The following GNG2 variants were observed in gnomAD, a reference collection of about 807,000 sequenced individuals.
GNG2 encodes G protein subunit gamma 2.
Under a neutral mutation model 5.5 loss-of-function variants are expected in GNG2, and 5 were observed. That is an observed-to-expected ratio of 0.91 (90% CI 0.48 to 1.92). The LOEUF (loss-of-function observed/expected upper bound fraction) is 1.92, where lower values mean the gene tolerates loss of function less well. Ranked by LOEUF, GNG2 falls within the 30% of genes most tolerant of loss-of-function variation. The pLI is 0.01. For synonymous variants in GNG2, 28 were observed against 32.0 expected (o/e 0.88, Z 0.42); for missense variants, 55 against 88.4 (o/e 0.62, Z 1.52).
intron 2 of GNG2, among the ~76,000 whole-genome samples, chr14:51,879,097 T>C (rs975317142): frequency 5.3e-5 from 8 of 152,254 alleles, no homozygotes; most frequent in Non-Finnish European, 1.2e-4. Flanking sequence ...GTGAACATTG[T>C]GAACTACCGT....
intron 3 of GNG2, among the ~76,000 whole-genome samples, chr14:51,952,968 G>A (rs1215353907): frequency 1.3e-5 from 2 of 152,094 alleles, no homozygotes; most frequent in African/African-American, 4.8e-5. Flanking sequence ...TGTGACCCCT[G>A]TCATCTCTTC....
At chr14:51,834,299 T>G (rs1033526201) in intron 2 of GNG2, among the ~76,000 whole-genome samples, 1 of 152,358 alleles carries the variant, frequency 6.6e-6, no homozygotes, top group African/African-American at 2.4e-5. Context: ...CATTCAGCAC[T>G]TGGCTCCCGA....
At chr14:51,874,751 G>T (rs1411681837) in intron 1 of GNG2, among the ~76,000 whole-genome samples, 1 of 151,668 alleles carries the variant, frequency 6.6e-6, no homozygotes, top group Non-Finnish European at 1.5e-5. Context: ...AAAAAAGTCG[G>T]GTATCCTCTG....
At chr14:51,838,952 G>T (rs1881411946) in intron 2 of GNG2, among the ~76,000 whole-genome samples, 2 of 152,130 alleles carry the variant, frequency 1.3e-5, no homozygotes, top group African/African-American at 4.8e-5. Flanking sequence ...TGACCCCATA[G>T]TATGTACACC....
At chr14:51,829,648 G>C (rs1881127545) in intron 2 of GNG2, among the ~76,000 whole-genome samples, 1 of 151,470 alleles carries the variant, frequency 6.6e-6, no homozygotes, top group African/African-American at 2.4e-5. Flanking sequence ...CCCTTAAAAA[G>C]AAGTATCAAT....
chr14:51,856,894 T>C (rs1882186842), upstream of GNG2, among the ~76,000 whole-genome samples: 1 of 151,978 alleles, frequency 6.6e-6, no homozygotes, highest in African/African-American at 2.4e-5. Context: ...CTATAGAAAA[T>C]TTGCAAAATA....
chr14:51,948,943 A>G (rs1888802311), intron 2 of GNG2, among the ~76,000 whole-genome samples: 1 of 152,068 alleles, frequency 6.6e-6, no homozygotes, highest in African/African-American at 2.4e-5. Context: ...AACATGGTGA[A>G]ACCCCGTCTC....
chr14:51,888,750 T>G (rs1884633651), intron 2 of GNG2, among the ~76,000 whole-genome samples: 1 of 152,228 alleles, frequency 6.6e-6, no homozygotes, highest in Non-Finnish European at 1.5e-5. Context: ...TGTTAATCCC[T>G]GGTTTAGGTT....
chr14:51,956,468 G>T (rs12436573), intron 3 of GNG2, among the ~76,000 whole-genome samples: 10,071 of 152,156 alleles, frequency 0.066, 889 homozygotes, highest in East Asian at 0.38. Context: ...GTGGGCCAGA[G>T]AATTGCTTGG....
chr14:51,872,824 A>G (rs1883399960), intron 1 of GNG2, among the ~76,000 whole-genome samples: 1 of 152,236 alleles, frequency 6.6e-6, no homozygotes, highest in Non-Finnish European at 1.5e-5. Flanking sequence ...CATTTTAAAA[A>G]TAGATGCTGT....
chr14:51,940,131 C>T (rs1404008421), intron 2 of GNG2: 1 of 152,158 alleles, frequency 6.6e-6, no homozygotes, highest in Non-Finnish European at 1.5e-5. Context: ...AAGCTTTTGG[C>T]CTGTAAAATC....
chr14:51,883,259 A>C (rs1255503278), intron 2 of GNG2, among the ~76,000 whole-genome samples: 1 of 152,176 alleles, frequency 6.6e-6, no homozygotes, highest in Non-Finnish European at 1.5e-5. Context: ...TTTAGAGACA[A>C]CCATTTTAAC....
chr14:51,885,638 G>A (rs1566664325), intron 2 of GNG2, among the ~76,000 whole-genome samples: 2 of 151,644 alleles, frequency 1.3e-5, no homozygotes, highest in Non-Finnish European at 2.9e-5. Flanking sequence ...AAAACAAAAT[G>A]TCATTATTAA....
chr14:51,943,008 A>AT (rs1468223501), intron 2 of GNG2, among the ~76,000 whole-genome samples: 1 of 151,922 alleles, frequency 6.6e-6, no homozygotes, highest in African/African-American at 2.4e-5. Context: ...TCAGGAATCG[A>AT]TTTTCCCCAA....
At chr14:51,934,257 T>C (rs1474528763) in intron 2 of GNG2, among the ~76,000 whole-genome samples, 1 of 152,128 alleles carries the variant, frequency 6.6e-6, no homozygotes, top group East Asian at 1.9e-4. Context: ...ATCACTAGTG[T>C]CAGGTCACAG....
intron 2 of GNG2, among the ~76,000 whole-genome samples, chr14:51,848,202 A>G (rs1881727863): frequency 6.6e-6 from 1 of 151,958 alleles, no homozygotes; most frequent in Non-Finnish European, 1.5e-5. Context: ...TGCCTTTACT[A>G]TTTGTCATCC....
intron 2 of GNG2, among the ~76,000 whole-genome samples, chr14:51,884,975 TG>T (rs1884346848): frequency 6.6e-6 from 1 of 152,062 alleles, no homozygotes; most frequent in Non-Finnish European, 1.5e-5. Context: ...GTAAGAATCA[TG>T]GAAAGCTGTG....
At chr14:51,957,642 T>C (rs1889349246) in intron 3 of GNG2, among the ~76,000 whole-genome samples, 1 of 152,188 alleles carries the variant, frequency 6.6e-6, no homozygotes, top group African/African-American at 2.4e-5. Context: ...CACTGACCCA[T>C]TACTACCTTC....
chr14:51,967,262 T>A lies in GNG2; in HGVS notation c.*575T>A, dbSNP rs988164059. On this transcript the variant is annotated 3_prime_UTR_variant, in exon 4 of 4. Coordinates refer to ENST00000556766, the MANE Select transcript of GNG2 (RefSeq NM_053064.5). ...CTATCAGATTGAACTCCAAGAATGA[T>A]CACACAAAATGTTTAGGGAGATGTT... 1 of 152,328 alleles carries A rather than the reference T, an allele frequency of 6.6e-6. No homozygotes were observed. 9.4% of individuals were successfully genotyped at this position (152,328 alleles called of 1,614,324 possible).
Sources: allele counts gnomAD v4.1 joint callset (sites outside exome capture counted in the v4.1 genomes callset), GRCh38; gene constraint gnomAD v4.1.1; transcripts MANE v1.5; gene names NCBI Gene and HGNC (gene_info 2026-07-23, HGNC 2026-07-21).